The following MUC4 variants were observed in gnomAD, a reference collection of about 807,000 sequenced individuals.
MUC4 encodes mucin-4.
A neutral mutation model predicts 257.9 loss-of-function variants in MUC4; 202 were observed. The observed-to-expected ratio is 0.78, with a 90% CI of 0.70 to 0.88. The LOEUF is 0.88. MUC4 is among the 40% of genes least tolerant of loss of function. MUC4 has a pLI of 0.00. For synonymous variants in MUC4, 2,351 were observed against 2,757.1 expected, an observed-to-expected ratio of 0.85 and a Z score of 4.62; for missense variants, 5,976 against 6,513.7, an observed-to-expected ratio of 0.92 and a Z score of 2.84.
intron 1 of MUC4, among the ~76,000 whole-genome samples, chr3:195,805,224 A>T (rs974193852): frequency 7.9e-5 from 12 of 152,232 alleles, no homozygotes; most frequent in South Asian, 2.1e-4. Flanking sequence ...TCCCCGCCGA[A>T]GTCACACCCC....
chr3:195,779,098 A>G lies in MUC4; in HGVS notation c.12482T>C (p.Leu4161Pro), dbSNP rs1725881875. 1 of 1,502,458 alleles carries G rather than the reference A, an allele frequency of 6.7e-7. No homozygotes were observed. Among genetic ancestry groups the G allele is most frequent in the African/African-American group, 1.6e-5 (1 of 63,588 alleles). 93.1% of individuals were successfully genotyped at this position (1,502,458 alleles called of 1,614,324 possible). The stretch of plus-strand genomic sequence containing the variant: ...CACTGAGGAAGCGTCGGTGACAGGA[A>G]GAGAGGTGGTGTGACCTGAGGATGC... ...SSASSGHTTS[L>P]PVTDASSVST... The change falls in exon 2 of 25, where the codon CTT becomes CCT. Residue 4161 changes from leucine (L) to proline (P), a missense_variant. Around this residue, in one of 44 missense-constraint regions of MUC4, gnomAD observed 293 missense variants for 294.5 expected, o/e 1.00. Coordinates refer to ENST00000463781, the MANE Select transcript of MUC4 (RefSeq NM_018406.7).
chr3:195,787,917 G>T lies in MUC4; in HGVS notation c.3663C>A (p.Asp1221Glu). 1 of 879,224 alleles carries T rather than the reference G, an allele frequency of 1.1e-6. No homozygotes were observed. The highest frequency in any genetic ancestry group is 1.6e-6 in the Non-Finnish European group (1 of 628,742). The allele number at this position is 879,224 out of a possible 1,614,324, so 54.5% of individuals were successfully genotyped here. A position where few individuals can be genotyped will look rare whatever the true frequency, so the allele number is the denominator to read the frequency against. The change falls in exon 2 of 25, where the codon GAC (aspartate) becomes GAA (glutamate). Residue 1221 changes from aspartate (D) to glutamate (E), a missense_variant. Around this residue, in one of 44 missense-constraint regions of MUC4, gnomAD observed 90 missense variants for 106.2 expected, o/e 0.85. Coordinates refer to ENST00000463781, the MANE Select transcript of MUC4 (RefSeq NM_018406.7). Reference protein sequence around the residue: ...TGHATPLPVTDASSVSTDHAT... With the variant: ...TGHATPLPVTEASSVSTDHAT... ...CGTGATCTGTGGACACTGAGGAAGCGTCGGTGACAGGAAGAGGGGTGGCGT... is the reference window on the plus strand; with the variant it reads ...CGTGATCTGTGGACACTGAGGAAGCTTCGGTGACAGGAAGAGGGGTGGCGT...
chr3:195,803,433 A>G (rs1014853520), intron 1 of MUC4, among the ~76,000 whole-genome samples: 1 of 152,274 alleles, frequency 6.6e-6, no homozygotes, highest in African/African-American at 2.4e-5. Context: ...TCCGTTTAAT[A>G]TAATATAAAC....
intron 5 of MUC4, chr3:195,770,685 T>G (rs1274131982): frequency 1.7e-5 from 8 of 460,102 alleles, no homozygotes; most frequent in Non-Finnish European, 2.8e-5. Flanking sequence ...TACCTCCCCA[T>G]GCCTAATCTG....
intron 1 of MUC4, among the ~76,000 whole-genome samples, chr3:195,802,233 T>C (rs915080694): frequency 2.1e-4 from 32 of 152,346 alleles, no homozygotes; most frequent in African/African-American, 7.5e-4. Flanking sequence ...GATTTCTTTC[T>C]CTTCCTTGTC....
Position 195,767,938 on chromosome 3 carries a change from T to TACCACCACC in MUC4, c.13529+1075_13529+1083dup, listed in dbSNP as rs763983469. ...TCGCCACTGCCACCTCCACCGCCAC[T>TACCACCACC]ACCACCACCACCACCACCACCACCA... On this transcript the variant is annotated intron_variant, in intron 7 of 24. Coordinates refer to ENST00000463781, the MANE Select transcript of MUC4 (RefSeq NM_018406.7). 2.4e-4 allele frequency among the ~76,000 whole-genome samples: 16 copies of TACCACCACC among 66,736 alleles called. 1 individual carries two copies. The highest frequency in any genetic ancestry group is 6.5e-4 in the African/African-American group (14 of 21,568). The allele number at this position is 66,736 out of a possible 152,430, so 43.8% of individuals were successfully genotyped here.
At chr3:195,800,044 G>A (rs1488515694) in intron 1 of MUC4, among the ~76,000 whole-genome samples, 2 of 152,154 alleles carry the variant, frequency 1.3e-5, no homozygotes, top group African/African-American at 2.4e-5. Flanking sequence ...TTGGGAGGTC[G>A]AAGCGGGTGG....
rs748162240 is a variant in MUC4 at position 195,790,115 on chromosome 3, G to A, written c.1465C>T (p.Pro489Ser). The A allele has an allele frequency of 2.5e-6, 4 of 1,613,958 alleles. 1 individual carries two copies. In the South Asian group the frequency reaches 4.4e-5, roughly 18 times the overall value. ...TGGCCTTTGCTGGAGAATGAGGAAG[G>A]CCATGTTGTTGTTTCATGTAGAGTA... ...IFTLHETTTW[P>S]SSFSSKGHTT... The change falls in exon 2 of 25, where the codon CCT (proline) becomes TCT (serine). Residue 489 changes from proline to serine, a missense_variant. Around this residue, in one of 44 missense-constraint regions of MUC4, gnomAD observed 1,583 missense variants for 1,257.4 expected, o/e 1.26. Transcript: ENST00000463781.
At chr3:195,775,268 T>A (rs1213188170) in intron 3 of MUC4, among the ~76,000 whole-genome samples, 3 of 152,054 alleles carry the variant, frequency 2.0e-5, no homozygotes, top group Non-Finnish European at 4.4e-5. Flanking sequence ...ATTCCCCGCA[T>A]GCCGGCCGCA....
chr3:195,749,855 G>GT (rs1382043053), intron 23 of MUC4: 37 of 152,404 alleles, frequency 2.4e-4, no homozygotes, highest in Admixed American at 2.2e-3. Context: ...GGATTACAGG[G>GT]TTTTTTTCCT....
At position 195,747,212 on chromosome 3, in the gene MUC4, G is replaced by T; in HGVS notation, c.16203C>A (p.Phe5401Leu). ...CCTCAGCTGAGTTCAGGAAATAGGA[G>T]AACCTGGCCCCGGAGCAACCCCAGA... Reference protein sequence around the residue: ...LRFWGCSGARFSYFLNSAEAL... With the variant: ...LRFWGCSGARLSYFLNSAEAL... Residue 5401 changes from phenylalanine (F) to leucine (L), a missense_variant, in exon 25 of 25, where the codon TTC (phenylalanine) becomes TTA (leucine). Transcript: ENST00000463781. 1.2e-6 allele frequency: 2 copies of T among 1,614,270 alleles called. No individual in the cohort carries two copies. Among genetic ancestry groups the T allele is most frequent in the African/African-American group, 1.3e-5 (1 of 75,074 alleles).
chr3:195,787,273 T>G lies in MUC4; in HGVS notation c.4307A>C (p.Asp1436Ala), dbSNP rs76816122. 7 of 352,216 alleles carry G rather than the reference T, an allele frequency of 2.0e-5. No homozygotes were observed. Among genetic ancestry groups the G allele is most frequent in the South Asian group, 1.2e-4 (5 of 40,602 alleles). 21.8% of individuals were successfully genotyped at this position (352,216 alleles called of 1,614,324 possible). A position where few individuals can be genotyped will look rare whatever the true frequency, so the allele number is the denominator to read the frequency against. The change falls in exon 2 of 25, where the codon GAT becomes GCT. Residue 1436 changes from aspartate to alanine, a missense_variant. By Grantham distance (126) the Asp-to-Ala change is moderately radical. This residue lies in a region of MUC4 where 58 missense variants were observed against 65.4 expected (regional missense o/e 0.89). Transcript: ENST00000463781. ...GGTTACAGGAAGAGAGGTGGCGTGA[T>G]CTGTGGACACTGAGGAAGCGTCGGT... ...PVTDASSVST[D>A]HATSLPVTIP...
Position 195,780,827 on chromosome 3 carries a change from G to C in MUC4, c.10753C>G (p.Leu3585Val), listed in dbSNP as rs1727319907. The C allele has an allele frequency of 2.6e-6, 3 of 1,133,020 alleles. No individual in the cohort carries two copies. The highest frequency in any genetic ancestry group is 2.5e-6 in the Non-Finnish European group (2 of 814,214). 70.2% of individuals were successfully genotyped at this position (1,133,020 alleles called of 1,614,324 possible). The change falls in exon 2 of 25, where the codon CTT becomes GTT. Residue 3585 changes from leucine (L) to valine (V), a missense_variant. By Grantham distance (32) the Leu-to-Val change is conservative. Transcript: ENST00000463781. The stretch of plus-strand genomic sequence containing the variant: ...ACTGAGGAAGCGTCGGTGACAAGAA[G>C]AGGGGTGGTGTCACCTGTGGATACT... ...SSVSTGDTTP[L>V]LVTDASSVST...
intron 18 of MUC4, 35 bp from the exon 19 acceptor site, chr3:195,754,407 G>C (rs371052033): frequency 2.5e-6 from 4 of 1,579,804 alleles, no homozygotes; most frequent in Non-Finnish European, 3.4e-6. Context: ...GCGGCCAGGA[G>C]ACCAAACTGG....
At position 195,786,839 on chromosome 3, in the gene MUC4, G is replaced by T. The variant is rs775604451; in HGVS notation, c.4741C>A (p.His1581Asn). The T allele has an allele frequency of 2.0e-6, 3 of 1,514,396 alleles. No homozygotes were observed. The South Asian group carries it at 3.7e-5, about 19-fold the overall frequency. The allele number at this position is 1,514,396 out of a possible 1,614,324, so 93.8% of individuals were successfully genotyped here. Residue 1581 changes from histidine to asparagine, a missense_variant, in exon 2 of 25, where the codon CAC (histidine) becomes AAC (asparagine). His to Asn is a moderately conservative substitution (Grantham distance 68). This residue lies in a region of MUC4 where 63 missense variants were observed against 68.8 expected (regional missense o/e 0.92). Coordinates refer to ENST00000463781, the MANE Select transcript of MUC4 (RefSeq NM_018406.7). ...TCGGTGACAGGAAGAGGGGTGGTGT[G>T]ACCTGTAGATGCTGAGGAAGGGCTG... ...VTSPSSASTG[H>N]TTPLPVTDTS...
Position 195,778,450 on chromosome 3 carries a change from T to A in MUC4, c.12796A>T (p.Thr4266Ser). Residue 4266 changes from threonine to serine, a missense_variant, in exon 3 of 25, where the codon ACA becomes TCA. Physicochemically the swap from Thr to Ser is moderately conservative, Grantham distance 58 (BLOSUM62 1). Coordinates refer to ENST00000463781, the MANE Select transcript of MUC4 (RefSeq NM_018406.7). ...CCGTCTGTCTTCAGTGACGGTGTTG[T>A]CATTCCTGGACACGTGAAAAGACAA... is the stretch of plus-strand genomic sequence containing the variant. ...SPLKMETPGM[T>S]TPSLKTDGGR... The A allele has an allele frequency of 6.2e-7, 1 of 1,612,556 alleles. No individual in the cohort carries two copies. The highest frequency in any genetic ancestry group is 8.5e-7 in the Non-Finnish European group (1 of 1,179,714).
chr3:195,778,482 G>T (rs763297644), intron 2 of MUC4, 27 bp from the exon 3 acceptor site: 2 of 1,608,270 alleles, frequency 1.2e-6, no homozygotes, highest in Non-Finnish European at 1.7e-6. Context: ...ACAAGGCGGG[G>T]TGTTTCTTAC....
rs371599667 is a variant in MUC4, at chr3:195,753,224, C to T, written c.15335G>A (p.Gly5112Glu). The T allele has an allele frequency of 4.3e-5, 70 of 1,613,648 alleles. No individual in the cohort carries two copies. The highest frequency in any genetic ancestry group is 5.4e-5 in the Non-Finnish European group (64 of 1,179,854). Reference sequence around the variant, plus strand: ...CTGGTTCTGACACAGGAAAGAGCTCCCCAGAGCTGCAGAGTGAGTAGGGAG... The same window carrying T: ...CTGGTTCTGACACAGGAAAGAGCTCTCCAGAGCTGCAGAGTGAGTAGGGAG... The part of the protein sequence containing the change: ...TGDGRHCAAL[G>E]SSFLCQNQSC... Residue 5112 changes from glycine to glutamate, a missense_variant, in exon 20 of 25, where the codon GGG becomes GAG. Coordinates refer to ENST00000463781, the MANE Select transcript of MUC4 (RefSeq NM_018406.7).
chr3:195,762,616 A>ACCAGGCCCTGCACCGCCACGCG (rs1719358980), intron 13 of MUC4, among the ~76,000 whole-genome samples: 1 of 48,748 alleles, frequency 2.1e-5, no homozygotes, highest in Non-Finnish European at 5.5e-5. Context: ...ACCGCCACGC[A>ACCAGGCCCTGCACCGCCACGCG]CCCGGCCCTG....
Sources: allele counts gnomAD v4.1 joint callset (sites outside exome capture counted in the v4.1 genomes callset), GRCh38; gene constraint gnomAD v4.1.1; regional missense constraint gnomAD v4.1.1; transcripts MANE v1.5; gene names NCBI Gene and HGNC (gene_info 2026-07-23, HGNC 2026-07-21).